Variants in SFMBT1 observed in about 807,000 individuals in gnomAD.
SFMBT1 encodes the protein scm-like with four MBT domains protein 1.
A neutral mutation model predicts 108.7 loss-of-function variants in SFMBT1; 32 were observed. The observed-to-expected ratio is 0.29, with a 90% CI of 0.22 to 0.40. The LOEUF (loss-of-function observed/expected upper bound fraction) is 0.40. SFMBT1 is among the 10% of genes least tolerant of loss of function. The probability of loss-of-function intolerance (pLI) is 1.00; values close to 1 mark genes in which losing one functional copy is unlikely to be tolerated. For synonymous variants in SFMBT1, 348 were observed against 369.5 expected, an observed-to-expected ratio of 0.94 and a Z score of 0.67; for missense variants, 816 against 1,059.6, an observed-to-expected ratio of 0.77 and a Z score of 3.19.
intron 10 of SFMBT1, among the ~76,000 whole-genome samples, chr3:52,923,422 C>T (rs1243156541): frequency 1.3e-5 from 2 of 151,870 alleles, no homozygotes; most frequent in Non-Finnish European, 2.9e-5. Context: ...AAAAAATTAG[C>T]TGGGTGTGGT....
chr3:52,951,661 C>T (rs187880095), intron 3 of SFMBT1, among the ~76,000 whole-genome samples: 4 of 152,056 alleles, frequency 2.6e-5, no homozygotes, highest in Admixed American at 6.6e-5. Flanking sequence ...TGATCTGGGC[C>T]GAATTAAATG....
At chr3:52,958,318 G>A (rs888480915) in intron 2 of SFMBT1, among the ~76,000 whole-genome samples, 1 of 152,218 alleles carries the variant, frequency 6.6e-6, no homozygotes, top group Non-Finnish European at 1.5e-5. Context: ...AGGCTGGGCA[G>A]GGTGGCTCAT....
At chr3:52,927,653 A>C (rs1702698674) in intron 9 of SFMBT1, among the ~76,000 whole-genome samples, 1 of 152,242 alleles carries the variant, frequency 6.6e-6, no homozygotes, top group Non-Finnish European at 1.5e-5. Flanking sequence ...TATATTTTGC[A>C]AAGTTGCAAA....
intron 10 of SFMBT1, among the ~76,000 whole-genome samples, chr3:52,924,940 G>A (rs2106785453): frequency 6.6e-6 from 1 of 152,278 alleles, no homozygotes; most frequent in Non-Finnish European, 1.5e-5. Context: ...ATACTGCAGT[G>A]CCAGGTGCAG....
chr3:52,985,951 T>G (rs1280491632), intron 1 of SFMBT1, among the ~76,000 whole-genome samples: 2 of 152,124 alleles, frequency 1.3e-5, no homozygotes, highest in Non-Finnish European at 2.9e-5. Context: ...GAGACCAGCC[T>G]GGCCAACATG....
intron 3 of SFMBT1, among the ~76,000 whole-genome samples, chr3:52,950,771 G>T (rs2106827803): frequency 6.6e-6 from 1 of 152,108 alleles, no homozygotes; most frequent in Middle Eastern, 3.4e-3. Context: ...ACCGTGCCCG[G>T]CTGCTGTCAT....
chr3:52,954,383 T>G lies in SFMBT1; in HGVS notation c.57A>C (p.Glu19Asp). The part of the protein sequence containing the change: ...ADAGSGMEEV[E>D]LSWEDYLEET... ...CTTCTAGATAATCTTCCCAGCTTAA[T>G]TCTACCTCTTCCATACCAGAGCCGG... Residue 19 changes from glutamate (E) to aspartate (D), a missense_variant, in exon 3 of 21, where the codon GAA (glutamate) becomes GAC (aspartate). Glu to Asp is a conservative substitution (Grantham distance 45). Transcript: ENST00000394752. 1 of 1,613,914 alleles carries G rather than the reference T, an allele frequency of 6.2e-7. No homozygotes were observed. Among genetic ancestry groups the G allele is most frequent in the East Asian group, 2.2e-5 (1 of 44,850 alleles).
At chr3:53,004,237 C>T (rs1432759410) in intron 1 of SFMBT1, among the ~76,000 whole-genome samples, 1 of 111,378 alleles carries the variant, frequency 9.0e-6, no homozygotes, top group East Asian at 3.1e-4. Flanking sequence ...TCCCTTCCTC[C>T]TTCCCTTCTT....
intron 1 of SFMBT1, among the ~76,000 whole-genome samples, chr3:52,989,835 A>G (rs752655031): frequency 1.3e-5 from 2 of 152,152 alleles, no homozygotes; most frequent in Admixed American, 6.6e-5. Flanking sequence ...TACATAATGT[A>G]TAACTTCTTT....
chr3:53,001,925 T>TCTCACACACACACA lies in SFMBT1; in HGVS notation c.-130-32668_-130-32667insTGTGTGTGTGTGAG, dbSNP rs1448849638. Among the ~76,000 whole-genome samples, 550 of 129,220 alleles carry TCTCACACACACACA rather than the reference T, an allele frequency of 4.3e-3. 12 individuals carry two copies. Among genetic ancestry groups the TCTCACACACACACA allele is most frequent in the African/African-American group, 0.014 (495 of 35,814 alleles). The allele number at this position is 129,220 out of a possible 152,430, so 84.8% of individuals were successfully genotyped here. On this transcript the variant is annotated intron_variant, in intron 1 of 20. Transcript: ENST00000394752. ...GGGCAACAGAGCAAGACCCAGTCTC[T>TCTCACACACACACA]CACACACACACACACACACACACAC...
At chr3:52,928,599 TACATATATAC>T (rs1197839810) in intron 8 of SFMBT1, 2 of 129,932 alleles carry the variant, frequency 1.5e-5, no homozygotes, top group East Asian at 2.2e-4. Flanking sequence ...TACATATATA[TACATATATAC>T]ATATATATAC....
In SFMBT1 at chr3:52,914,505, C is replaced by T. The variant is rs549658863; in HGVS notation, c.1481-888G>A. ...AATTTGGGAGGCCAACGGGGGAGCA[C>T]ATCGCTTGAGTCCAGTTTGAGACCA... On this transcript the variant is annotated intron_variant, in intron 14 of 20. Coordinates refer to ENST00000394752, the MANE Select transcript of SFMBT1 (RefSeq NM_016329.4). 1.1e-3 allele frequency among the ~76,000 whole-genome samples: 165 copies of T among 152,142 alleles called. 1 individual carries two copies. The highest frequency in any genetic ancestry group is 4.2e-3 in the South Asian group (20 of 4,818).
chr3:53,009,218 G>A (rs1350306236), intron 1 of SFMBT1, among the ~76,000 whole-genome samples: 1 of 151,854 alleles, frequency 6.6e-6, no homozygotes, highest in African/African-American at 2.4e-5. Flanking sequence ...AGGCTGAGGT[G>A]GGCAGATCAC....
intron 3 of SFMBT1, among the ~76,000 whole-genome samples, chr3:52,952,752 G>A (rs957621378): frequency 5.3e-5 from 8 of 152,216 alleles, no homozygotes; most frequent in South Asian, 2.1e-4. Flanking sequence ...CTTTATGGCC[G>A]AATCACCTCT....
At chr3:52,945,738 C>T (rs1019251644) in intron 3 of SFMBT1, among the ~76,000 whole-genome samples, 40 of 149,556 alleles carry the variant, frequency 2.7e-4, no homozygotes, top group Admixed American at 2.1e-3. Flanking sequence ...ACCCGGGAGG[C>T]GGAGCTTGCA....
chr3:53,024,296 G>A (rs747652062), intron 1 of SFMBT1, among the ~76,000 whole-genome samples: 3 of 150,522 alleles, frequency 2.0e-5, no homozygotes, highest in Non-Finnish European at 2.9e-5. Flanking sequence ...ATGATTTTGG[G>A]GGAAAAAACC....
chr3:53,030,264 G>GT (rs1405744200), intron 1 of SFMBT1, among the ~76,000 whole-genome samples: 1 of 152,008 alleles, frequency 6.6e-6, no homozygotes, highest in Admixed American at 6.5e-5. Context: ...CACCATTTGA[G>GT]TTTTTTTAAT....
chr3:53,013,197 T>C (rs9819608), intron 1 of SFMBT1, among the ~76,000 whole-genome samples: 14,647 of 151,482 alleles, frequency 0.097, 2,312 homozygotes, highest in African/African-American at 0.3. Flanking sequence ...AGTGATGGGC[T>C]CTAAGTTGAG....
In SFMBT1 at chr3:52,907,723, G is replaced by A. The variant is rs757015201; in HGVS notation, c.1917C>T (p.Tyr639=). Residue 639 remains tyrosine (Y), a synonymous_variant, in exon 18 of 21, where the codon TAC becomes TAT. Transcript: ENST00000394752. The part of the protein sequence containing the change: ...VLTKTKYTHY[Y]GKKKNKRIGR... ...CAATTCTTTTATTTTTCTTCTTTCC[G>A]TAATAGTGTGCTAAATGTGGATGAC... 108 of 1,606,300 alleles carry A rather than the reference G, an allele frequency of 6.7e-5. No homozygotes were observed. The highest frequency in any genetic ancestry group is 4.5e-5 in the Non-Finnish European group (53 of 1,178,010).
Sources: allele counts gnomAD v4.1 joint callset (sites outside exome capture counted in the v4.1 genomes callset), GRCh38; gene constraint gnomAD v4.1.1; transcripts MANE v1.5; gene names NCBI Gene and HGNC (gene_info 2026-07-23, HGNC 2026-07-21).